ZNF268: variants seen among roughly 807,000 people sequenced by gnomAD.
ZNF268 encodes zinc finger protein 3.
A neutral mutation model predicts 29.3 loss-of-function variants in ZNF268; 20 were observed. That is an observed-to-expected ratio of 0.68 (90% confidence interval 0.48 to 0.99). The LOEUF is 0.99. ZNF268 is among the 50% of genes least tolerant of loss of function. ZNF268 has a pLI of 0.00. For missense variants in ZNF268, 1,240 were observed against 1,121.6 expected (o/e 1.11, Z -1.51); for synonymous variants, 429 against 376.9 (o/e 1.14, Z -1.60).
At chr12:133,182,519 G>A (rs944908459) in intron 2 of ZNF268, among the ~76,000 whole-genome samples, 1 of 152,154 alleles carries the variant, frequency 6.6e-6, no homozygotes, top group African/African-American at 2.4e-5. Context: ...ACAATGACAA[G>A]TTAATGAGTG....
Position 133,211,153 on chromosome 12 carries a change from T to G in ZNF268, c.*6623T>G. On this transcript the variant is annotated 3_prime_UTR_variant, in exon 6 of 6. Transcript: ENST00000536435. ...AATAATGTATAGCAATAATTGGAAT[T>G]TGTAATGAATAAAATCATTCAAAAA... 5.4e-6 allele frequency: 2 copies of G among 371,220 alleles called. No individual in the cohort carries two copies. Among genetic ancestry groups the G allele is most frequent in the Non-Finnish European group, 1.1e-5 (2 of 184,890 alleles). The allele number at this position is 371,220 out of a possible 1,614,324, so 23.0% of individuals were successfully genotyped here.
In ZNF268 at chr12:133,203,078, GA is replaced by G; in HGVS notation, c.1393del (p.Ile465PhefsTer5). On this transcript the variant is annotated frameshift_variant, in exon 6 of 6. Coordinates refer to ENST00000536435, the MANE Select transcript of ZNF268 (RefSeq NM_003415.3). LOFTEE classifies it low-confidence loss of function (END_TRUNC). Reference protein sequence around the residue: ...FKSQLIVHQGIHTGVKPYGCI... With the variant: ...FKSQLIVHQGXHTGVKPYGCI... Reference sequence around the variant, plus strand: ...AGTCACAGCTCATTGTACATCAGGGGATTCACACAGGAGTAAAGCCCTATGG... The same window carrying G: ...AGTCACAGCTCATTGTACATCAGGGGTTCACACAGGAGTAAAGCCCTATGG... The G allele has an allele frequency of 6.5e-7, 1 of 1,537,534 alleles. No individual in the cohort carries two copies. The highest frequency in any genetic ancestry group is 1.7e-4 in the Middle Eastern group (1 of 5,990).
rs1363865267 is a variant in ZNF268 at position 133,206,475 on chromosome 12, ACT to A, written c.*1948_*1949del. ...AGCTATAGAGTCACAGTGGTGAAAA[ACT>A]CTGCCAGTTGCTTACTCACAAAGTT... On this transcript the variant is annotated 3_prime_UTR_variant, in exon 6 of 6. Coordinates refer to ENST00000536435, the MANE Select transcript of ZNF268 (RefSeq NM_003415.3). The A allele has an allele frequency of 2.6e-5, 4 of 151,660 alleles. No homozygotes were observed. The highest frequency in any genetic ancestry group is 2.1e-4 in the South Asian group (1 of 4,784). 9.4% of individuals were successfully genotyped at this position (151,660 alleles called of 1,614,324 possible).
rs574484322 is a variant in ZNF268 at position 133,192,176 on chromosome 12, C to T, written c.457+173C>T. On this transcript the variant is annotated intron_variant, in intron 5 of 5. Transcript: ENST00000536435. ...AGGCTGGGGTGCAGTGGCGTGATCT[C>T]GGCTCGCTGCATCCTCTGCCTCCTG... is the stretch of plus-strand genomic sequence containing the variant. Among the ~76,000 whole-genome samples the T allele has an allele frequency of 4.2e-4, 63 of 149,460 alleles. 1 individual carries two copies. In the South Asian group the frequency reaches 9.5e-3, roughly 22 times the overall value.
chr12:133,188,164 T>C, intron 3 of ZNF268, 92 bp downstream of exon 3: 2 of 1,205,432 alleles, frequency 1.7e-6, no homozygotes, highest in East Asian at 5.1e-5. Flanking sequence ...GGTCAGAGGG[T>C]TAAGTTAATC....
intron 5 of ZNF268, among the ~76,000 whole-genome samples, chr12:133,199,357 G>A (rs2135514634): frequency 6.6e-6 from 1 of 151,580 alleles, no homozygotes; most frequent in Non-Finnish European, 1.5e-5. Context: ...TGCATATATT[G>A]AACCAGCCTT....
rs1201569555 is a variant in ZNF268 at position 133,204,040 on chromosome 12, G to A, written c.2354G>A (p.Cys785Tyr). The change falls in exon 6 of 6, where the codon TGT becomes TAT. Residue 785 changes from cysteine to tyrosine, a missense_variant. Cys to Tyr is a radical substitution (Grantham distance 194, BLOSUM62 -2). Transcript: ENST00000536435. ...GAAAAGCCTTATGGGTGCAGTGAAT[G>A]TGGGAAAGCTTTTAGCAGCAAGTCA... ...AGEKPYGCSE[C>Y]GKAFSSKSYL... The A allele has an allele frequency of 6.4e-7, 1 of 1,569,908 alleles. No homozygotes were observed. Among genetic ancestry groups the A allele is most frequent in the Admixed American group, 1.9e-5 (1 of 53,626 alleles).
At position 133,191,613 on chromosome 12, in the gene ZNF268, T is replaced by TAGGTA; in HGVS notation, c.361+1_361+5dup. On this transcript the variant is annotated frameshift_variant and splice_region_variant, in exon 4 of 6. Coordinates refer to ENST00000536435, the MANE Select transcript of ZNF268 (RefSeq NM_003415.3). LOFTEE classifies it high-confidence loss of function. ...GAGAACTATAGCAACCTGGTGTCCC[T>TAGGTA]AGGTAAGTGCTGCCTCCCTGAGGAG... 1 of 1,613,854 alleles carries TAGGTA rather than the reference T, an allele frequency of 6.2e-7. No individual in the cohort carries two copies. The highest frequency in any genetic ancestry group is 1.1e-5 in the South Asian group (1 of 91,060).
At chr12:133,186,385 T>C (rs1956315722) in intron 2 of ZNF268, among the ~76,000 whole-genome samples, 1 of 139,004 alleles carries the variant, frequency 7.2e-6, no homozygotes, top group Non-Finnish European at 1.6e-5. Flanking sequence ...GGGAATAATC[T>C]TTTTTTTTTT....
At chr12:133,184,689 T>C in intron 2 of ZNF268, 1 of 451,866 alleles carries the variant, frequency 2.2e-6, no homozygotes, top group South Asian at 1.6e-5. Context: ...CTATCTCTGC[T>C]CACCACAACG....
chr12:133,203,925 A>T lies in ZNF268; in HGVS notation c.2239A>T (p.Thr747Ser), dbSNP rs1374388897. The change falls in exon 6 of 6, where the codon ACA (threonine) becomes TCA (serine). Residue 747 changes from threonine to serine, a missense_variant. Transcript: ENST00000536435. ...ACTCATTGTGCATCAGAGAATTCACACAGGAGAAAATCCCTATGAATGCAG... is the reference window on the plus strand; with the variant it reads ...ACTCATTGTGCATCAGAGAATTCACTCAGGAGAAAATCCCTATGAATGCAG... Reference protein sequence around the residue: ...SQLIVHQRIHTGENPYECSEC... With the variant: ...SQLIVHQRIHSGENPYECSEC... 6.3e-7 allele frequency: 1 copy of T among 1,591,334 alleles called. No individual in the cohort carries two copies. The highest frequency in any genetic ancestry group is 8.5e-7 in the Non-Finnish European group (1 of 1,170,964).
intron 5 of ZNF268, among the ~76,000 whole-genome samples, chr12:133,200,795 G>A (rs557766589): frequency 1.1e-4 from 17 of 151,878 alleles, no homozygotes; most frequent in Non-Finnish European, 2.4e-4. Flanking sequence ...AACTCTTGTG[G>A]TAGTTACCTC....
At chr12:133,196,630 C>T (rs1224555000) in intron 5 of ZNF268, among the ~76,000 whole-genome samples, 2 of 152,166 alleles carry the variant, frequency 1.3e-5, no homozygotes, top group Non-Finnish European at 2.9e-5. Flanking sequence ...AAAATAGTGA[C>T]AGTCAAACAC....
intron 2 of ZNF268, chr12:133,184,696 A>G: frequency 2.2e-6 from 1 of 451,766 alleles, no homozygotes; most frequent in South Asian, 1.6e-5. Context: ...TGCTCACCAC[A>G]ACGTCTGCTT....
In ZNF268 at chr12:133,194,208, A is replaced by C. The variant is rs542191202; in HGVS notation, c.457+2205A>C. Among the ~76,000 whole-genome samples, 7 of 152,320 alleles carry C rather than the reference A, an allele frequency of 4.6e-5. No individual in the cohort carries two copies. In the South Asian group the frequency reaches 1.4e-3, roughly 32 times the overall value. On this transcript the variant is annotated intron_variant, in intron 5 of 5. Coordinates refer to ENST00000536435, the MANE Select transcript of ZNF268 (RefSeq NM_003415.3). The stretch of plus-strand genomic sequence containing the variant: ...TTTCCCTGAATACCCCATTTATTCT[A>C]TCACTAGCATGACAGCATAAATCAA...
At position 133,207,107 on chromosome 12, in the gene ZNF268, CAG is replaced by C. The variant is rs1956911745; in HGVS notation, c.*2579_*2580del. ...TTAATGAAATGAAAATTTTACAAAA[CAG>C]AAATTGAGTTACTGGTTTGTAAATC... On this transcript the variant is annotated 3_prime_UTR_variant, in exon 6 of 6. Coordinates refer to ENST00000536435, the MANE Select transcript of ZNF268 (RefSeq NM_003415.3). 6.6e-6 allele frequency: 1 copy of C among 152,066 alleles called. No homozygotes were observed. Among genetic ancestry groups the C allele is most frequent in the Non-Finnish European group, 1.5e-5 (1 of 68,008 alleles). 9.4% of individuals were successfully genotyped at this position (152,066 alleles called of 1,614,324 possible).
At chr12:133,201,783 A>G (rs1024014528) in intron 5 of ZNF268, among the ~76,000 whole-genome samples, 2 of 152,100 alleles carry the variant, frequency 1.3e-5, no homozygotes, top group Admixed American at 6.6e-5. Context: ...TCTAATGTTC[A>G]TAGATCCCTA....
At position 133,203,909 on chromosome 12, in the gene ZNF268, G is replaced by C. The variant is rs1186320679; in HGVS notation, c.2223G>C (p.Val741=). The change falls in exon 6 of 6, where the codon GTG becomes GTC. Residue 741 remains valine, a synonymous_variant. Coordinates refer to ENST00000536435, the MANE Select transcript of ZNF268 (RefSeq NM_003415.3). ...KSFSFNSQLI[V]HQRIHTGENP... ...TTAGTTTCAATTCACAACTCATTGT[G>C]CATCAGAGAATTCACACAGGAGAAA... The C allele has an allele frequency of 6.3e-7, 1 of 1,584,706 alleles. No homozygotes were observed. Among genetic ancestry groups the C allele is most frequent in the African/African-American group, 1.4e-5 (1 of 74,026 alleles).
Position 133,205,045 on chromosome 12 carries a change from G to A in ZNF268, c.*515G>A, listed in dbSNP as rs947976310. On this transcript the variant is annotated 3_prime_UTR_variant, in exon 6 of 6. Transcript: ENST00000536435. ...AGGGAAAGTGTAAATCTAGAAATGA[G>A]AAACCCCTAGGGAAAAAATATATAT... 1.4e-5 allele frequency: 2 copies of A among 143,982 alleles called. No individual in the cohort carries two copies. Among genetic ancestry groups the A allele is most frequent in the African/African-American group, 5.2e-5 (2 of 38,680 alleles). 8.9% of individuals were successfully genotyped at this position (143,982 alleles called of 1,614,324 possible). A position where few individuals can be genotyped will look rare whatever the true frequency, so the allele number is the denominator to read the frequency against.
Sources: allele counts gnomAD v4.1 joint callset (sites outside exome capture counted in the v4.1 genomes callset), GRCh38; gene constraint gnomAD v4.1.1; transcripts MANE v1.5; gene names NCBI Gene and HGNC (gene_info 2026-07-23, HGNC 2026-07-21).